The following FAM177A1 variants were observed in gnomAD, a reference collection of about 807,000 sequenced individuals.
FAM177A1 encodes the protein protein FAM177A1.
In FAM177A1, 22 loss-of-function variants were observed where a neutral mutation model predicts 26.1. That is an observed-to-expected ratio of 0.84 (90% CI 0.60 to 1.20). FAM177A1 has a LOEUF of 1.20. FAM177A1 is among the 50% of genes most tolerant of loss of function. FAM177A1 has a pLI of 0.00. For synonymous variants in FAM177A1, 95 were observed against 99.3 expected, an observed-to-expected ratio of 0.96 and a Z score of 0.26; for missense variants, 296 against 291.1, an observed-to-expected ratio of 1.02 and a Z score of -0.12.
chr14:35,072,562 A>C (rs2045338828), intron 2 of FAM177A1, among the ~76,000 whole-genome samples: 1 of 152,210 alleles, frequency 6.6e-6, no homozygotes, highest in Non-Finnish European at 1.5e-5. Context: ...AAATTGTTTT[A>C]GGTGGTAACA....
chr14:35,079,857 T>C (rs1228110950), intron 4 of FAM177A1, among the ~76,000 whole-genome samples: 1 of 152,042 alleles, frequency 6.6e-6, no homozygotes, highest in Non-Finnish European at 1.5e-5. Flanking sequence ...ATGGCAAAAA[T>C]ATAATAGTTT....
At chr14:35,046,850 T>TG (rs1164865763) in intron 1 of FAM177A1, 1 of 1,346,902 alleles carries the variant, frequency 7.4e-7, no homozygotes, top group Non-Finnish European at 9.5e-7. Context: ...CAGCAGACTC[T>TG]GGGGCGGCCT....
intron 2 of FAM177A1, chr14:35,055,111 G>T (rs899656784): frequency 3.3e-5 from 5 of 152,114 alleles, no homozygotes; most frequent in African/African-American, 9.6e-5. Context: ...AGACCAGCCT[G>T]GCCAACATGG....
intron 2 of FAM177A1, among the ~76,000 whole-genome samples, chr14:35,073,533 G>T (rs2045353635): frequency 6.6e-6 from 1 of 152,198 alleles, no homozygotes; most frequent in African/African-American, 2.4e-5. Context: ...GGGGTTCTGG[G>T]TGGCCAGGAG....
rs796766775 is a variant in FAM177A1 at position 35,047,775 on chromosome 14, ACAACAAC to A, written c.165+1148_165+1154del. On this transcript the variant is annotated intron_variant, in intron 1 of 4. Coordinates refer to ENST00000280987, the MANE Select transcript of FAM177A1 (RefSeq NM_173607.5). ...AACAGCAACAACAACAACAACAACAACAACAACAAAAAAAAAACCCTTGAGTTGCTCA... is the reference window on the plus strand; with the variant it reads ...AACAGCAACAACAACAACAACAACAAAAAAAAAAAACCCTTGAGTTGCTCA... Among the ~76,000 whole-genome samples, 428 of 116,998 alleles carry A rather than the reference ACAACAAC, an allele frequency of 3.7e-3. 2 individuals carry two copies. The highest frequency in any genetic ancestry group is 0.011 in the African/African-American group (389 of 36,526). The allele number at this position is 116,998 out of a possible 152,430, so 76.8% of individuals were successfully genotyped here.
At chr14:35,060,118 C>A (rs921075666) in intron 2 of FAM177A1, among the ~76,000 whole-genome samples, 5 of 152,068 alleles carry the variant, frequency 3.3e-5, no homozygotes, top group Non-Finnish European at 7.4e-5. Context: ...GGCTTACTGG[C>A]ATGCACCACC....
chr14:35,070,402 T>C (rs1269747045), intron 2 of FAM177A1, among the ~76,000 whole-genome samples: 1 of 151,926 alleles, frequency 6.6e-6, no homozygotes, highest in Non-Finnish European at 1.5e-5. Flanking sequence ...TGATCTCGCC[T>C]CGCTGCAACC....
Position 35,046,554 on chromosome 14 carries a change from G to A in FAM177A1, c.91G>A (p.Gly31Ser), listed in dbSNP as rs1375683975. The part of the protein sequence containing the change: ...ATTMDQEPVG[G>S]VERGEAVAAS... ...GACGATGGACCAGGAGCCAGTGGGC[G>A]GTGTGGAACGAGGAGAAGCCGTCGC... Residue 31 changes from glycine to serine, a missense_variant, in exon 1 of 5, where the codon GGT (glycine) becomes AGT (serine). Physicochemically the swap from Gly to Ser is moderately conservative, Grantham distance 56. Coordinates refer to ENST00000280987, the MANE Select transcript of FAM177A1 (RefSeq NM_173607.5). 13 of 1,593,542 alleles carry A rather than the reference G, an allele frequency of 8.2e-6. No individual in the cohort carries two copies. Among genetic ancestry groups the A allele is most frequent in the Non-Finnish European group, 1.1e-5 (13 of 1,172,074 alleles).
At chr14:35,059,617 C>G (rs943924443) in intron 2 of FAM177A1, among the ~76,000 whole-genome samples, 1 of 150,962 alleles carries the variant, frequency 6.6e-6, no homozygotes, top group South Asian at 2.1e-4. Flanking sequence ...TCACTGCAAC[C>G]TCTGCCTCCC....
At chr14:35,076,234 CAT>C (rs1359796584) in intron 2 of FAM177A1, among the ~76,000 whole-genome samples, 5 of 152,094 alleles carry the variant, frequency 3.3e-5, no homozygotes. Context: ...AAATGTGGCA[CAT>C]ATACACCATG....
chr14:35,074,394 C>T (rs148251711), intron 2 of FAM177A1, among the ~76,000 whole-genome samples: 17,873 of 151,424 alleles, frequency 0.12, 1,334 homozygotes, highest in Non-Finnish European at 0.16. Flanking sequence ...GGCTCAATCT[C>T]GGCTCACTGC....
Position 35,081,208 on chromosome 14 carries a change from C to G in FAM177A1, c.691C>G (p.Pro231Ala), listed in dbSNP as rs2045478449. 2 of 1,612,978 alleles carry G rather than the reference C, an allele frequency of 1.2e-6. No individual in the cohort carries two copies. The highest frequency in any genetic ancestry group is 4.5e-5 in the East Asian group (2 of 44,762). The change falls in exon 5 of 5, where the codon CCA becomes GCA. Residue 231 changes from proline to alanine, a missense_variant. Transcript: ENST00000280987. ...SEVIMESKQN[P>A]VSVPP Reference sequence around the variant, plus strand: ...AGTAATTATGGAAAGCAAGCAAAATCCAGTCTCTGTCCCACCATAAAATGA... The same window carrying G: ...AGTAATTATGGAAAGCAAGCAAAATGCAGTCTCTGTCCCACCATAAAATGA...
chr14:35,052,783 G>C (rs1352908040), intron 1 of FAM177A1, among the ~76,000 whole-genome samples: 1 of 152,030 alleles, frequency 6.6e-6, no homozygotes, highest in Non-Finnish European at 1.5e-5. Context: ...TTAGCCAAGT[G>C]TGGTGGCATG....
chr14:35,055,821 A>G (rs2045053709), intron 2 of FAM177A1, among the ~76,000 whole-genome samples: 1 of 152,128 alleles, frequency 6.6e-6, no homozygotes, highest in Non-Finnish European at 1.5e-5. Context: ...TGATTTCTCC[A>G]CATATTCAGC....
At chr14:35,077,243 A>G (rs760539102) in intron 3 of FAM177A1, 27 bp downstream of exon 3, 5 of 1,601,702 alleles carry the variant, frequency 3.1e-6, no homozygotes, top group African/African-American at 1.3e-5. Flanking sequence ...TGAATATTGT[A>G]TAATTGCTGT....
chr14:35,071,695 T>C lies in FAM177A1; in HGVS notation c.340-5455T>C, dbSNP rs140899830. 4.6e-5 allele frequency among the ~76,000 whole-genome samples: 7 copies of C among 152,326 alleles called. No homozygotes were observed. In the East Asian group the frequency reaches 7.7e-4, roughly 17 times the overall value. The stretch of plus-strand genomic sequence containing the variant: ...AGCAGATTTGATTCTTTGGTAGTCA[T>C]AGCTTGGATATTATCAATTATTCTC... On this transcript the variant is annotated intron_variant, in intron 2 of 4. Transcript: ENST00000280987.
intron 1 of FAM177A1, among the ~76,000 whole-genome samples, chr14:35,049,376 C>T (rs936275743): frequency 6.6e-6 from 1 of 152,130 alleles, no homozygotes; most frequent in South Asian, 2.1e-4. Flanking sequence ...AGTACCTACC[C>T]CCATGTTGCT....
intron 2 of FAM177A1, among the ~76,000 whole-genome samples, chr14:35,061,519 C>CTT (rs199992810): frequency 1.9e-4 from 17 of 89,372 alleles, no homozygotes; most frequent in African/African-American, 5.3e-4. Flanking sequence ...TTTCTCATTT[C>CTT]TTTTTTTTTT....
chr14:35,070,866 A>G (rs1296860404), intron 2 of FAM177A1, among the ~76,000 whole-genome samples: 1 of 152,134 alleles, frequency 6.6e-6, no homozygotes, highest in Non-Finnish European at 1.5e-5. Context: ...AGGGACAACA[A>G]TGTTGTAAAA....
Sources: gnomAD v4.1 joint callset for allele counts (sites outside exome capture counted in the v4.1 genomes callset) on GRCh38, gnomAD v4.1.1 for gene constraint, MANE v1.5 for transcripts, NCBI Gene and HGNC (gene_info 2026-07-23, HGNC 2026-07-21) for gene names.